RASGRF1: variants seen among roughly 807,000 people sequenced by gnomAD.
The protein encoded by RASGRF1 is Ras protein specific guanine nucleotide releasing factor 1, also known as ras-specific guanine nucleotide-releasing factor 1.
Under a neutral mutation model 138.7 loss-of-function variants are expected in RASGRF1, and 40 were observed. The ratio of observed to expected loss-of-function variants is 0.29; its 90% CI spans 0.22 to 0.38. The LOEUF is 0.38. Among genes scored for constraint, RASGRF1 ranks in the 10% least tolerant of loss-of-function variants. The probability of loss-of-function intolerance (pLI) is 1.00; values close to 1 mark genes in which losing one functional copy is unlikely to be tolerated. For synonymous variants in RASGRF1, 614 were observed against 663.2 expected (o/e 0.93, Z 1.14); for missense variants, 1,108 against 1,650.4 (o/e 0.67, Z 5.69).
chr15:79,011,960 G>A (rs1038086869), intron 13 of RASGRF1, among the ~76,000 whole-genome samples: 9 of 150,252 alleles, frequency 6.0e-5, no homozygotes, highest in Non-Finnish European at 8.9e-5. Flanking sequence ...AGGCTGCAGT[G>A]AGCCGAGATC....
At chr15:79,025,110 C>T (rs2057027928) in intron 10 of RASGRF1, among the ~76,000 whole-genome samples, 1 of 152,200 alleles carries the variant, frequency 6.6e-6, no homozygotes. Context: ...TTCCCATCTC[C>T]CAGGATTTCC....
At chr15:78,986,495 C>T (rs1284950499) in intron 22 of RASGRF1, among the ~76,000 whole-genome samples, 1 of 151,868 alleles carries the variant, frequency 6.6e-6, no homozygotes, top group East Asian at 1.9e-4. Flanking sequence ...TACAGGCACA[C>T]ACCACCATGC....
intron 16 of RASGRF1, among the ~76,000 whole-genome samples, chr15:79,000,279 A>G (rs938982340): frequency 2.0e-5 from 3 of 152,186 alleles, no homozygotes; most frequent in African/African-American, 7.2e-5. Flanking sequence ...CTCTCAGTCT[A>G]CTTGGGATTA....
At chr15:79,056,859 G>A (rs944785858) in intron 3 of RASGRF1, among the ~76,000 whole-genome samples, 4 of 152,120 alleles carry the variant, frequency 2.6e-5, no homozygotes, top group South Asian at 2.1e-4. Flanking sequence ...CTCTGCATTC[G>A]GGACTTTAAG....
At chr15:79,058,607 C>A in intron 2 of RASGRF1, 126 bp from the exon 3 acceptor site, 2 of 1,246,646 alleles carry the variant, frequency 1.6e-6, no homozygotes, top group Non-Finnish European at 2.2e-6. Context: ...TGACTCCCAG[C>A]ACCCTGCAGA....
chr15:78,971,352 G>A lies in RASGRF1; in HGVS notation c.3681+514C>T, dbSNP rs145053929. On this transcript the variant is annotated intron_variant, in intron 26 of 26. Transcript: ENST00000558480. ...AGGATGCTTCTATTTTAATAGGAAT[G>A]ATCTCCAAGATATATTATGAAGGAA... Among the ~76,000 whole-genome samples, 96 of 152,298 alleles carry A rather than the reference G, an allele frequency of 6.3e-4. No homozygotes were observed. The East Asian group carries it at 0.01, about 16-fold the overall frequency.
intron 22 of RASGRF1, among the ~76,000 whole-genome samples, chr15:78,986,719 G>A (rs1451550912): frequency 6.6e-6 from 1 of 151,972 alleles, no homozygotes. Context: ...GCGATAAAAG[G>A]ACATTTACAG....
intron 5 of RASGRF1, among the ~76,000 whole-genome samples, chr15:79,041,007 T>TC (rs1207789086): frequency 1.3e-5 from 2 of 152,120 alleles, no homozygotes; most frequent in Non-Finnish European, 2.9e-5. Context: ...ACAGAAATAG[T>TC]CCCCATCAAG....
intron 3 of RASGRF1, among the ~76,000 whole-genome samples, chr15:79,055,296 C>T (rs1032222838): frequency 6.6e-6 from 1 of 152,094 alleles, no homozygotes; most frequent in African/African-American, 2.4e-5. Context: ...GCTCTGTTTC[C>T]ATTCTCCTAG....
intron 5 of RASGRF1, among the ~76,000 whole-genome samples, chr15:79,042,399 T>C (rs887756258): frequency 1.3e-5 from 2 of 152,218 alleles, no homozygotes; most frequent in African/African-American, 4.8e-5. Context: ...TGTGCTGTGG[T>C]CTGAGGCAGG....
At chr15:79,002,390 G>A (rs1034315948) in intron 15 of RASGRF1, among the ~76,000 whole-genome samples, 1 of 152,142 alleles carries the variant, frequency 6.6e-6, no homozygotes, top group Non-Finnish European at 1.5e-5. Context: ...TGAGGTCTTG[G>A]TCAGAAACTC....
chr15:79,011,433 C>G (rs556256831), intron 13 of RASGRF1, among the ~76,000 whole-genome samples: 1 of 152,232 alleles, frequency 6.6e-6, no homozygotes, highest in South Asian at 2.1e-4. Context: ...ACTAAATAGC[C>G]AAATATTGAT....
At chr15:79,019,354 T>A (rs775993293) in intron 11 of RASGRF1, among the ~76,000 whole-genome samples, 18 of 152,142 alleles carry the variant, frequency 1.2e-4, no homozygotes, top group Non-Finnish European at 1.5e-4. Flanking sequence ...ATCTGAATAA[T>A]GACCCCACCT....
chr15:78,994,534 T>C (rs1180398741), intron 20 of RASGRF1, among the ~76,000 whole-genome samples: 3 of 152,222 alleles, frequency 2.0e-5, no homozygotes, highest in Non-Finnish European at 4.4e-5. Flanking sequence ...AGAGTGAGCC[T>C]GTCTTGAGTA....
intron 1 of RASGRF1, among the ~76,000 whole-genome samples, chr15:79,079,773 T>C (rs898359557): frequency 2.6e-5 from 4 of 152,212 alleles, no homozygotes; most frequent in African/African-American, 9.7e-5. Context: ...TGTTGAGCTA[T>C]GGACATGCAT....
At chr15:78,989,499 T>C (rs28391216) in intron 22 of RASGRF1, among the ~76,000 whole-genome samples, 1,939 of 148,790 alleles carry the variant, frequency 0.013, 19 homozygotes, top group Middle Eastern at 0.018. Flanking sequence ...ACTGTGGCCT[T>C]CTAACATTAA....
chr15:78,995,173 C>T (rs936125637), intron 20 of RASGRF1, among the ~76,000 whole-genome samples: 16 of 152,132 alleles, frequency 1.1e-4, no homozygotes, highest in Non-Finnish European at 1.9e-4. Flanking sequence ...AAGTGATCTG[C>T]CCACCTCAGC....
intron 24 of RASGRF1, among the ~76,000 whole-genome samples, chr15:78,975,162 G>A (rs2055846228): frequency 6.6e-6 from 1 of 152,166 alleles, no homozygotes. Context: ...AGGTTGAGGT[G>A]GGAGGATCAC....
At chr15:79,049,409 G>T in intron 4 of RASGRF1, 87 bp downstream of exon 4, 1 of 1,243,710 alleles carries the variant, frequency 8.0e-7, no homozygotes, top group South Asian at 1.3e-5. Flanking sequence ...TGAGGACAGT[G>T]GGGCTGTGGT....
Sources: gnomAD v4.1 joint callset for allele counts (sites outside exome capture counted in the v4.1 genomes callset) on GRCh38, gnomAD v4.1.1 for gene constraint, MANE v1.5 for transcripts, NCBI Gene and HGNC (gene_info 2026-07-23, HGNC 2026-07-21) for gene names.